Variants in GALNTL6 observed in about 807,000 individuals in gnomAD.
GALNTL6 encodes polypeptide N-acetylgalactosaminyltransferase-like 6.
In GALNTL6, 46 loss-of-function variants were observed where a neutral mutation model predicts 73.7. The ratio of observed to expected loss-of-function variants is 0.62; its 90% confidence interval spans 0.49 to 0.80. GALNTL6 has a LOEUF of 0.80. Among genes scored for constraint, GALNTL6 ranks in the 30% least tolerant of loss-of-function variants. The probability of loss-of-function intolerance (pLI) is 0.00; values close to 1 mark genes in which losing one functional copy is unlikely to be tolerated. For missense variants in GALNTL6, 604 were observed against 755.0 expected (o/e 0.80, Z 2.34); for synonymous variants, 259 against 263.7 (o/e 0.98, Z 0.17).
chr4:172,544,890 TAG>T (rs1735691658), intron 5 of GALNTL6, among the ~76,000 whole-genome samples: 2 of 152,340 alleles, frequency 1.3e-5, no homozygotes, highest in Admixed American at 6.5e-5. Context: ...CAAGAGATTC[TAG>T]AGTTTCTTAC....
chr4:172,420,714 T>G (rs1439800837), intron 5 of GALNTL6, among the ~76,000 whole-genome samples: 1 of 152,068 alleles, frequency 6.6e-6, no homozygotes, highest in Non-Finnish European at 1.5e-5. Flanking sequence ...TCAGGCAATG[T>G]TGTAACATAT....
At chr4:172,036,840 A>T (rs1041668909) in intron 2 of GALNTL6, among the ~76,000 whole-genome samples, 20 of 152,140 alleles carry the variant, frequency 1.3e-4, no homozygotes, top group African/African-American at 4.8e-4. Context: ...TATTTAATTC[A>T]TTGAATTTAG....
intron 7 of GALNTL6, among the ~76,000 whole-genome samples, chr4:172,860,491 G>A (rs1744340130): frequency 6.6e-6 from 1 of 151,964 alleles, no homozygotes; most frequent in Non-Finnish European, 1.5e-5. Flanking sequence ...CATTTATTGA[G>A]GTTAAATATC....
At chr4:172,431,732 A>G (rs1249099371) in intron 5 of GALNTL6, among the ~76,000 whole-genome samples, 3 of 152,172 alleles carry the variant, frequency 2.0e-5, no homozygotes, top group Non-Finnish European at 4.4e-5. Flanking sequence ...ACATATGCTC[A>G]TAAATAACTG....
chr4:171,902,225 TAAAC>T (rs1373001668), intron 2 of GALNTL6, among the ~76,000 whole-genome samples: 4 of 152,232 alleles, frequency 2.6e-5, no homozygotes, highest in East Asian at 1.9e-4. Context: ...AAGAGAATGA[TAAAC>T]AAAGTGATAA....
In GALNTL6 at chr4:172,137,178, A is replaced by G. The variant is rs957172526; in HGVS notation, c.139-92478A>G. Among the ~76,000 whole-genome samples, 5 of 152,136 alleles carry G rather than the reference A, an allele frequency of 3.3e-5. No homozygotes were observed. In the East Asian group the frequency reaches 7.7e-4, roughly 23 times the overall value. ...ATTGACTGTTTTTTGTTATTGATAC[A>G]TTAGGAACAATTAATACTTATATAA... On this transcript the variant is annotated intron_variant, in intron 2 of 12. Transcript: ENST00000506823.
chr4:171,840,478 C>G (rs1735209901), intron 2 of GALNTL6, among the ~76,000 whole-genome samples: 1 of 152,178 alleles, frequency 6.6e-6, no homozygotes, highest in Admixed American at 6.5e-5. Context: ...CTCTGTGCCT[C>G]TCTCCACACA....
intron 2 of GALNTL6, among the ~76,000 whole-genome samples, chr4:171,974,806 G>T (rs117423901): frequency 1.3e-5 from 2 of 152,096 alleles, no homozygotes; most frequent in African/African-American, 2.4e-5. Flanking sequence ...TAAAAATTAC[G>T]TAATTTTTGC....
At chr4:172,181,282 G>A (rs1735234381) in intron 2 of GALNTL6, among the ~76,000 whole-genome samples, 1 of 152,134 alleles carries the variant, frequency 6.6e-6, no homozygotes, top group African/African-American at 2.4e-5. Flanking sequence ...GATCAAGTCG[G>A]CTTCATCCCT....
At chr4:172,720,673 T>G (rs1735416540) in intron 5 of GALNTL6, among the ~76,000 whole-genome samples, 1 of 152,218 alleles carries the variant, frequency 6.6e-6, no homozygotes, top group Admixed American at 6.5e-5. Flanking sequence ...CTATATTAAT[T>G]TTTTAATCAA....
chr4:171,907,574 G>A (rs2110955541), intron 2 of GALNTL6, among the ~76,000 whole-genome samples: 1 of 152,052 alleles, frequency 6.6e-6, no homozygotes, highest in South Asian at 2.1e-4. Context: ...ACTGTCCAAG[G>A]TAATTTACAG....
rs376800313 is a variant in GALNTL6 at position 171,883,793 on chromosome 4, G to A, written c.138+69075G>A. Among the ~76,000 whole-genome samples, 211 of 151,810 alleles carry A rather than the reference G, an allele frequency of 1.4e-3. 1 individual carries two copies. Among genetic ancestry groups the A allele is most frequent in the African/African-American group, 4.8e-3 (200 of 41,456 alleles). On this transcript the variant is annotated intron_variant, in intron 2 of 12. Transcript: ENST00000506823. ...CTCCCGAGTAGCTGGGACTACAGGC[G>A]CCTGCCACCACACCTGGCTAATTTT...
chr4:172,191,321 T>C (rs1735577688), intron 2 of GALNTL6, among the ~76,000 whole-genome samples: 1 of 152,192 alleles, frequency 6.6e-6, no homozygotes, highest in Admixed American at 6.6e-5. Context: ...GTAACTGTTT[T>C]GGTTTATCAT....
intron 2 of GALNTL6, among the ~76,000 whole-genome samples, chr4:172,220,776 A>G (rs544107001): frequency 6.6e-6 from 1 of 151,814 alleles, no homozygotes; most frequent in Non-Finnish European, 1.5e-5. Flanking sequence ...AAAATTTAAA[A>G]TCATCACTTC....
intron 7 of GALNTL6, among the ~76,000 whole-genome samples, chr4:172,836,843 A>G (rs1237064057): frequency 2.0e-5 from 3 of 152,130 alleles, no homozygotes. Context: ...AACATTGATG[A>G]TCTAATTGCC....
chr4:172,986,412 G>C (rs1020587187), intron 10 of GALNTL6, among the ~76,000 whole-genome samples: 1 of 152,190 alleles, frequency 6.6e-6, no homozygotes, highest in Non-Finnish European at 1.5e-5. Flanking sequence ...GTGAAAGTCC[G>C]AGCTTCAGTC....
intron 10 of GALNTL6, among the ~76,000 whole-genome samples, chr4:173,003,513 A>G (rs1183479643): frequency 6.6e-6 from 1 of 152,196 alleles, no homozygotes; most frequent in Non-Finnish European, 1.5e-5. Flanking sequence ...CAATTCAGCC[A>G]AAAAAATTAA....
chr4:172,515,718 G>GGT (rs1734582516), intron 5 of GALNTL6, among the ~76,000 whole-genome samples: 1 of 152,168 alleles, frequency 6.6e-6, no homozygotes, highest in African/African-American at 2.4e-5. Context: ...CCTATTGGCT[G>GGT]GCTACTGGAA....
At chr4:171,998,342 A>G (rs1313390959) in intron 2 of GALNTL6, among the ~76,000 whole-genome samples, 2 of 152,114 alleles carry the variant, frequency 1.3e-5, no homozygotes, top group Admixed American at 1.3e-4. Flanking sequence ...AGGTGCTGGC[A>G]AGGTTGGCTT....
Sources: allele counts gnomAD v4.1 joint callset (sites outside exome capture counted in the v4.1 genomes callset), GRCh38; gene constraint gnomAD v4.1.1; transcripts MANE v1.5; gene names NCBI Gene and HGNC (gene_info 2026-07-23, HGNC 2026-07-21).